The following SLCO5A1 variants were observed in gnomAD, a reference collection of about 807,000 sequenced individuals.
SLCO5A1 encodes organic anion transporter polypeptide-related protein 4.
SLCO5A1 carries 39 observed loss-of-function variants against 65.1 expected under a neutral mutation model. The observed-to-expected ratio is 0.60, with a 90% CI of 0.46 to 0.78. SLCO5A1 has a LOEUF of 0.78. SLCO5A1 is among the 30% of genes least tolerant of loss of function. The pLI, the probability that SLCO5A1 is intolerant of heterozygous loss-of-function variation, is 0.00. For synonymous variants in SLCO5A1, 438 were observed against 415.7 expected (o/e 1.05, Z -0.65); for missense variants, 1,029 against 1,069.4 (o/e 0.96, Z 0.53).
At chr8:69,758,250 G>A (rs1375059282) in intron 3 of SLCO5A1, among the ~76,000 whole-genome samples, 4 of 151,984 alleles carry the variant, frequency 2.6e-5, no homozygotes, top group African/African-American at 4.8e-5. Context: ...GCAGTGGCAC[G>A]ATCATGGCTA....
intron 4 of SLCO5A1, among the ~76,000 whole-genome samples, chr8:69,739,148 A>G (rs1432668403): frequency 6.6e-6 from 1 of 152,240 alleles, no homozygotes; most frequent in Non-Finnish European, 1.5e-5. Context: ...AAATAGATGT[A>G]CATATATGTG....
intron 2 of SLCO5A1, among the ~76,000 whole-genome samples, chr8:69,820,510 C>G (rs1411349954): frequency 6.6e-6 from 1 of 152,056 alleles, no homozygotes; most frequent in Non-Finnish European, 1.5e-5. Context: ...GTAGATTGCT[C>G]TATACAACAT....
intron 2 of SLCO5A1, among the ~76,000 whole-genome samples, chr8:69,768,482 T>C (rs1818175641): frequency 6.6e-6 from 1 of 152,156 alleles, no homozygotes; most frequent in Non-Finnish European, 1.5e-5. Flanking sequence ...CATGACAAAA[T>C]GCCACACGCT....
intron 6 of SLCO5A1, among the ~76,000 whole-genome samples, chr8:69,686,685 C>T (rs967374234): frequency 8.5e-5 from 13 of 152,174 alleles, no homozygotes; most frequent in African/African-American, 2.7e-4. Flanking sequence ...CCAATTTTAT[C>T]TTTCACCACA....
intron 2 of SLCO5A1, chr8:69,794,325 C>A: frequency 4.5e-6 from 2 of 442,378 alleles, no homozygotes; most frequent in South Asian, 1.9e-5. Flanking sequence ...TGTCACAGGG[C>A]AGCCAGGACT....
At position 69,672,940 on chromosome 8, in the gene SLCO5A1, G is replaced by A. The variant is rs1813386327; in HGVS notation, c.2476C>T (p.Pro826Ser). ...CAAQTYPGPF[P>S]EAISSSADPG... Reference sequence around the variant, plus strand: ...TCCGCAGAGGAACTTATTGCTTCTGGGAAGGGCCCCGGGTAGGTCTGTGCT... The same window carrying A: ...TCCGCAGAGGAACTTATTGCTTCTGAGAAGGGCCCCGGGTAGGTCTGTGCT... The change falls in exon 10 of 10, where the codon CCA (proline) becomes TCA (serine). Residue 826 changes from proline (P) to serine (S), a missense_variant. Pro to Ser is a moderately conservative substitution (Grantham distance 74). Transcript: ENST00000260126. 1 of 1,614,122 alleles carries A rather than the reference G, an allele frequency of 6.2e-7. No homozygotes were observed. Among genetic ancestry groups the A allele is most frequent in the Non-Finnish European group, 8.5e-7 (1 of 1,180,048 alleles).
At chr8:69,721,590 T>G (rs573692267) in intron 5 of SLCO5A1, among the ~76,000 whole-genome samples, 1 of 152,364 alleles carries the variant, frequency 6.6e-6, no homozygotes, top group South Asian at 2.1e-4. Flanking sequence ...TACAAATGTT[T>G]GTTATTTTCT....
chr8:69,733,310 A>G (rs955075535), intron 5 of SLCO5A1, among the ~76,000 whole-genome samples: 5 of 152,186 alleles, frequency 3.3e-5, no homozygotes, highest in Non-Finnish European at 7.3e-5. Flanking sequence ...GAAGTTAAGT[A>G]AGCTTCAAAA....
At chr8:69,703,036 G>A (rs775165005) in intron 6 of SLCO5A1, among the ~76,000 whole-genome samples, 8 of 151,598 alleles carry the variant, frequency 5.3e-5, no homozygotes, top group Non-Finnish European at 1.0e-4. Context: ...CCTGGAACCT[G>A]GGAGGTTGAG....
chr8:69,694,152 G>A (rs930066458), intron 6 of SLCO5A1, among the ~76,000 whole-genome samples: 5 of 152,174 alleles, frequency 3.3e-5, no homozygotes, highest in African/African-American at 7.2e-5. Context: ...AGGTGCGTAC[G>A]TGCATGAAAT....
At chr8:69,737,690 T>G (rs1465304032) in intron 5 of SLCO5A1, among the ~76,000 whole-genome samples, 1 of 152,136 alleles carries the variant, frequency 6.6e-6, no homozygotes, top group Non-Finnish European at 1.5e-5. Flanking sequence ...GGTTATCAAT[T>G]TTTTTTAACT....
chr8:69,762,225 C>T (rs1308619009), intron 2 of SLCO5A1, among the ~76,000 whole-genome samples: 2 of 149,132 alleles, frequency 1.3e-5, no homozygotes, highest in African/African-American at 2.5e-5. Context: ...CTTGCTCTGT[C>T]ACCCAGGTTG....
At chr8:69,810,524 C>T (rs901845998) in intron 2 of SLCO5A1, among the ~76,000 whole-genome samples, 1 of 152,192 alleles carries the variant, frequency 6.6e-6, no homozygotes, top group Admixed American at 6.5e-5. Context: ...GATATCATGG[C>T]GTGAGTGATG....
intron 2 of SLCO5A1, among the ~76,000 whole-genome samples, chr8:69,785,119 A>G (rs1313307330): frequency 6.6e-6 from 1 of 152,080 alleles, no homozygotes; most frequent in Non-Finnish European, 1.5e-5. Context: ...AGAGAAAGAA[A>G]GAAATTTACC....
At chr8:69,702,139 A>G (rs571316324) in intron 6 of SLCO5A1, among the ~76,000 whole-genome samples, 47 of 152,318 alleles carry the variant, frequency 3.1e-4, no homozygotes, top group African/African-American at 9.9e-4. Flanking sequence ...AATTCTATTT[A>G]TGTTCTCTAA....
intron 2 of SLCO5A1, among the ~76,000 whole-genome samples, chr8:69,774,298 C>T (rs879909286): frequency 6.6e-6 from 1 of 152,182 alleles, no homozygotes; most frequent in African/African-American, 2.4e-5. Flanking sequence ...CTCCGCCAAT[C>T]CCACCCCAAT....
chr8:69,742,413 T>A lies in SLCO5A1; in HGVS notation c.1259-4209A>T, dbSNP rs575818733. 8.5e-4 allele frequency among the ~76,000 whole-genome samples: 129 copies of A among 152,288 alleles called. 2 individuals carry two copies. In the Middle Eastern group the frequency reaches 0.01, roughly 12 times the overall value. Reference sequence around the variant, plus strand: ...AGAGATGATGAAATAATGACAGTGATTATCAATTTTTGATCATTTAATGCT... The same window carrying A: ...AGAGATGATGAAATAATGACAGTGAATATCAATTTTTGATCATTTAATGCT... On this transcript the variant is annotated intron_variant, in intron 4 of 9. Transcript: ENST00000260126.
chr8:69,702,778 T>C (rs1370070932), intron 6 of SLCO5A1, among the ~76,000 whole-genome samples: 1 of 152,100 alleles, frequency 6.6e-6, no homozygotes, highest in Non-Finnish European at 1.5e-5. Context: ...GAAGCTCTGT[T>C]AAATGAGCAG....
chr8:69,754,364 T>G (rs1817457367), intron 4 of SLCO5A1, among the ~76,000 whole-genome samples: 1 of 152,182 alleles, frequency 6.6e-6, no homozygotes. Context: ...TTAAAAATGG[T>G]CCAATCTAAC....
Sources: gnomAD v4.1 joint callset for allele counts (sites outside exome capture counted in the v4.1 genomes callset) on GRCh38, gnomAD v4.1.1 for gene constraint, MANE v1.5 for transcripts, NCBI Gene and HGNC (gene_info 2026-07-23, HGNC 2026-07-21) for gene names.